Variants in CDH20 observed in about 807,000 individuals in gnomAD.
CDH20 encodes the protein cadherin 20, also known as cadherin-20.
In CDH20, 29 loss-of-function variants were observed where a neutral mutation model predicts 74.2. The ratio of observed to expected loss-of-function variants is 0.39; its 90% confidence interval spans 0.29 to 0.53. The LOEUF is 0.53. Among genes scored for constraint, CDH20 ranks in the 20% least tolerant of loss-of-function variants. The probability of loss-of-function intolerance (pLI) is 0.69; values close to 1 mark genes in which losing one functional copy is unlikely to be tolerated. For synonymous variants in CDH20, 469 were observed against 405.4 expected (o/e 1.16, Z -1.88); for missense variants, 988 against 1,048.3 (o/e 0.94, Z 0.79).
chr18:61,405,485 GC>G (rs1568127004), intron 1 of CDH20, among the ~76,000 whole-genome samples: 1 of 152,122 alleles, frequency 6.6e-6, no homozygotes, highest in Non-Finnish European at 1.5e-5. Context: ...ACTCCAGGGG[GC>G]TGAGGCAGGA....
chr18:61,396,053 T>TGTGTGTGTGTGTGTGTGTGTGTGTGTG (rs1568123818), intron 1 of CDH20, among the ~76,000 whole-genome samples: 2 of 142,748 alleles, frequency 1.4e-5, no homozygotes, highest in South Asian at 2.2e-4. Context: ...GTGTGTGTGT[T>TGTGTGTGTGTGTGTGTGTGTGTGTGTG]TGTGTGTGTG....
intron 2 of CDH20, among the ~76,000 whole-genome samples, chr18:61,492,884 T>C (rs867636830): frequency 1.3e-5 from 2 of 152,372 alleles, no homozygotes; most frequent in South Asian, 2.1e-4. Context: ...ATTTATCTTA[T>C]AGAAGGTGCT....
In CDH20 at chr18:61,408,464, A is replaced by G. The variant is rs79027869; in HGVS notation, c.-153+74637A>G. On this transcript the variant is annotated intron_variant, in intron 1 of 11. Transcript: ENST00000262717. ...GTTTCAACCTCTCCTCTACAATGTT[A>G]TATCACAAATCCAGCTCCCTCTGAG... Among the ~76,000 whole-genome samples, 830 of 152,314 alleles carry G rather than the reference A, an allele frequency of 5.4e-3. 9 individuals carry two copies. Among genetic ancestry groups the G allele is most frequent in the Middle Eastern group, 0.034 (10 of 294 alleles).
chr18:61,368,530 T>C (rs1322575459), intron 1 of CDH20, among the ~76,000 whole-genome samples: 1 of 151,964 alleles, frequency 6.6e-6, no homozygotes, highest in Admixed American at 6.6e-5. Context: ...ACAGATGTAA[T>C]ATACATAATA....
intron 1 of CDH20, among the ~76,000 whole-genome samples, chr18:61,431,509 A>T (rs1913254963): frequency 6.6e-6 from 1 of 152,176 alleles, no homozygotes. Flanking sequence ...ATTGGTTCTA[A>T]TGTACCATAG....
chr18:61,354,055 GAAA>G (rs1910406684), intron 1 of CDH20, among the ~76,000 whole-genome samples: 2 of 139,744 alleles, frequency 1.4e-5, no homozygotes, highest in Non-Finnish European at 3.2e-5. Context: ...AAAAAAAAAA[GAAA>G]AAGAAAAAGA....
chr18:61,345,362 G>C (rs760610108), intron 1 of CDH20, among the ~76,000 whole-genome samples: 6 of 152,160 alleles, frequency 3.9e-5, no homozygotes, highest in Non-Finnish European at 8.8e-5. Flanking sequence ...TTTGCCAAGA[G>C]GCAGGAGGCT....
intron 1 of CDH20, among the ~76,000 whole-genome samples, chr18:61,475,028 G>GGAT (rs1910319042): frequency 6.6e-6 from 1 of 152,088 alleles, no homozygotes; most frequent in African/African-American, 2.4e-5. Flanking sequence ...GTCCTGTCAA[G>GGAT]TATAGATTTT....
At chr18:61,541,762 G>C (rs1265887456) in intron 9 of CDH20, among the ~76,000 whole-genome samples, 2 of 152,164 alleles carry the variant, frequency 1.3e-5, no homozygotes, top group African/African-American at 2.4e-5. Context: ...CTTCACATCT[G>C]ACAAGTCCAG....
chr18:61,393,000 T>C (rs1379152225), intron 1 of CDH20, among the ~76,000 whole-genome samples: 1 of 152,200 alleles, frequency 6.6e-6, no homozygotes, highest in Non-Finnish European at 1.5e-5. Context: ...ACTCTGGAAT[T>C]CTGATGCTGA....
chr18:61,426,770 C>T (rs1460033366), intron 1 of CDH20, among the ~76,000 whole-genome samples: 1 of 152,224 alleles, frequency 6.6e-6, no homozygotes, highest in Non-Finnish European at 1.5e-5. Context: ...AGTCACTGCT[C>T]ATCTTTGCTG....
chr18:61,477,778 A>T (rs1325076721), intron 1 of CDH20, among the ~76,000 whole-genome samples: 1 of 152,210 alleles, frequency 6.6e-6, no homozygotes, highest in African/African-American at 2.4e-5. Context: ...CCACACTCCC[A>T]TCCATATGGT....
At chr18:61,408,282 GGGT>G (rs1466261804) in intron 1 of CDH20, among the ~76,000 whole-genome samples, 1 of 152,096 alleles carries the variant, frequency 6.6e-6, no homozygotes, top group African/African-American at 2.4e-5. Context: ...GATTCATTTT[GGGT>G]TCAGAACTGA....
At chr18:61,495,281 G>A (rs62098151) in intron 2 of CDH20, among the ~76,000 whole-genome samples, 6,422 of 152,314 alleles carry the variant, frequency 0.042, 171 homozygotes, top group South Asian at 0.11. Context: ...GTTAATGTCT[G>A]TTCTTTGCCA....
intron 1 of CDH20, among the ~76,000 whole-genome samples, chr18:61,470,507 C>A (rs969709853): frequency 6.6e-6 from 1 of 152,048 alleles, no homozygotes; most frequent in African/African-American, 2.4e-5. Context: ...AAAAGGAGAC[C>A]CTGCTTTTCA....
At chr18:61,502,627 A>G (rs752859340) in intron 4 of CDH20, among the ~76,000 whole-genome samples, 2 of 152,164 alleles carry the variant, frequency 1.3e-5, no homozygotes, top group Non-Finnish European at 2.9e-5. Context: ...TTGGTGAGAC[A>G]GCACTGTCTG....
At chr18:61,450,981 C>A (rs2058345) in intron 1 of CDH20, among the ~76,000 whole-genome samples, 4,128 of 152,060 alleles carry the variant, frequency 0.027, 201 homozygotes, top group East Asian at 0.21. Flanking sequence ...ATTCTTAGAA[C>A]TTGCTGGCCC....
intron 1 of CDH20, among the ~76,000 whole-genome samples, chr18:61,481,853 A>G (rs1910601110): frequency 6.6e-6 from 1 of 152,146 alleles, no homozygotes; most frequent in African/African-American, 2.4e-5. Flanking sequence ...GCCTGGCCCA[A>G]CATTACTTTG....
intron 1 of CDH20, among the ~76,000 whole-genome samples, chr18:61,372,158 A>G (rs993782429): frequency 1.3e-5 from 2 of 152,042 alleles, no homozygotes; most frequent in Non-Finnish European, 2.9e-5. Flanking sequence ...TGCATTTTCA[A>G]ATTTGAAATA....
Sources: allele counts gnomAD v4.1 joint callset (sites outside exome capture counted in the v4.1 genomes callset), GRCh38; gene constraint gnomAD v4.1.1; transcripts MANE v1.5; gene names NCBI Gene and HGNC (gene_info 2026-07-23, HGNC 2026-07-21).